The following MARCHF1 variants were observed in gnomAD, a reference collection of about 807,000 sequenced individuals.
The protein encoded by MARCHF1 is E3 ubiquitin-protein ligase MARCHF1.
In MARCHF1, 40 loss-of-function variants were observed where a neutral mutation model predicts 54.2. The observed-to-expected ratio is 0.74, with a 90% CI of 0.57 to 0.96. MARCHF1 has a LOEUF of 0.96. MARCHF1 is among the 40% of genes least tolerant of loss of function. MARCHF1 has a pLI of 0.00. For synonymous variants in MARCHF1, 236 were observed against 236.3 expected (o/e 1.00, Z 0.01); for missense variants, 586 against 656.5 (o/e 0.89, Z 1.17).
rs574601867 is a variant in MARCHF1 at position 163,722,762 on chromosome 4, G to C, written c.112-21899C>G. ...GATAGTTAGCTCTTCTTGTTGAATT[G>C]ATCCCTTTACCATTATGTAATGGCC... On this transcript the variant is annotated intron_variant, in intron 4 of 9. Coordinates refer to ENST00000514618, the MANE Select transcript of MARCHF1 (RefSeq NM_001394959.1). Among the ~76,000 whole-genome samples, 8 of 152,282 alleles carry C rather than the reference G, an allele frequency of 5.3e-5. No individual in the cohort carries two copies. The East Asian group carries it at 1.5e-3, about 29-fold the overall frequency.
chr4:164,111,548 T>C (rs188559777), intron 2 of MARCHF1, 40 bp downstream of exon 2: 2 of 151,096 alleles, frequency 1.3e-5, no homozygotes, highest in East Asian at 3.9e-4. Flanking sequence ...TGGAAAGTCT[T>C]CTTTATTTAA....
chr4:164,341,423 TAAAC>T (rs1014872226), intron 1 of MARCHF1, among the ~76,000 whole-genome samples: 10 of 151,842 alleles, frequency 6.6e-5, no homozygotes, highest in South Asian at 2.1e-4. Context: ...ACAAGAAAAA[TAAAC>T]AAAAGCCAAC....
intron 2 of MARCHF1, among the ~76,000 whole-genome samples, chr4:164,026,574 C>A (rs1753772430): frequency 2.0e-5 from 3 of 152,020 alleles, no homozygotes; most frequent in Admixed American, 2.0e-4. Context: ...GATTAGGCAT[C>A]AAAGGATCTA....
intron 3 of MARCHF1, among the ~76,000 whole-genome samples, chr4:163,911,106 G>T (rs1160192092): frequency 6.6e-6 from 1 of 152,042 alleles, no homozygotes; most frequent in East Asian, 1.9e-4. Context: ...GATTCAGGGG[G>T]TACATATACA....
intron 7 of MARCHF1, among the ~76,000 whole-genome samples, chr4:163,605,281 TG>T (rs1741104676): frequency 6.6e-6 from 1 of 152,158 alleles, no homozygotes; most frequent in South Asian, 2.1e-4. Context: ...AAGACATTTA[TG>T]CAGCCAACAA....
intron 3 of MARCHF1, chr4:163,932,501 A>T: frequency 2.8e-6 from 1 of 362,586 alleles, no homozygotes. Context: ...CATCTCAACA[A>T]ACTACTTTCA....
intron 1 of MARCHF1, among the ~76,000 whole-genome samples, chr4:164,349,705 G>A (rs986285733): frequency 6.6e-6 from 1 of 152,090 alleles, no homozygotes; most frequent in Non-Finnish European, 1.5e-5. Flanking sequence ...ATATTTATCA[G>A]CACATAGCAG....
chr4:164,358,706 G>C (rs1369604020), intron 1 of MARCHF1, among the ~76,000 whole-genome samples: 1 of 151,880 alleles, frequency 6.6e-6, no homozygotes, highest in African/African-American at 2.4e-5. Flanking sequence ...GGTTGTAATT[G>C]GATTAATATT....
At chr4:164,013,158 A>G (rs979211175) in intron 2 of MARCHF1, among the ~76,000 whole-genome samples, 3 of 152,208 alleles carry the variant, frequency 2.0e-5, no homozygotes, top group African/African-American at 7.2e-5. Flanking sequence ...AACACAAAGA[A>G]GGAATTAAAA....
intron 3 of MARCHF1, among the ~76,000 whole-genome samples, chr4:163,926,268 G>A (rs2111377738): frequency 1.3e-5 from 2 of 151,760 alleles, no homozygotes; most frequent in Middle Eastern, 6.8e-3. Flanking sequence ...AGATGTTAGT[G>A]ACTGGCTGCT....
intron 3 of MARCHF1, among the ~76,000 whole-genome samples, chr4:163,906,877 TTATTG>T (rs1257163885): frequency 3.3e-5 from 5 of 151,938 alleles, no homozygotes; most frequent in African/African-American, 1.2e-4. Context: ...AGTACTAATG[TTATTG>T]TATGCTTTTG....
intron 1 of MARCHF1, chr4:164,188,424 G>A (rs1486851568): frequency 7.0e-6 from 4 of 572,758 alleles, no homozygotes; most frequent in Non-Finnish European, 9.7e-6. Context: ...CTGCTACTCG[G>A]TGAGGCGTGG....
intron 1 of MARCHF1, among the ~76,000 whole-genome samples, chr4:164,325,356 T>TATA (rs1561003093): frequency 1.3e-5 from 2 of 149,404 alleles, no homozygotes; most frequent in African/African-American, 2.4e-5. Flanking sequence ...TATATATATA[T>TATA]TTGCACAGAC....
At chr4:164,180,329 A>G (rs1037261141) in intron 1 of MARCHF1, among the ~76,000 whole-genome samples, 20 of 152,200 alleles carry the variant, frequency 1.3e-4, no homozygotes, top group African/African-American at 4.6e-4. Flanking sequence ...ACTTTTACAT[A>G]AGTGTTTGTA....
chr4:164,235,114 C>T (rs1732511737), intron 1 of MARCHF1, among the ~76,000 whole-genome samples: 1 of 152,026 alleles, frequency 6.6e-6, no homozygotes, highest in Admixed American at 6.6e-5. Context: ...CAGGCCTCTT[C>T]TTTCTTTCTA....
chr4:163,738,821 A>G (rs914264403), intron 4 of MARCHF1, among the ~76,000 whole-genome samples: 2 of 152,192 alleles, frequency 1.3e-5, no homozygotes, highest in African/African-American at 4.8e-5. Flanking sequence ...CCTAAAGCAT[A>G]TTTTAAACTA....
rs115705533 is a variant in MARCHF1, at chr4:164,302,488, T to C, written c.-323+81382A>G. On this transcript the variant is annotated intron_variant, in intron 1 of 9. Coordinates refer to ENST00000514618, the MANE Select transcript of MARCHF1 (RefSeq NM_001394959.1). ...TCTTTACTAACCCCGGGGTCATGAC[T>C]AAAAGGTTGAGAAAGGTTGAGAATT... Among the ~76,000 whole-genome samples, 1,482 of 152,196 alleles carry C rather than the reference T, an allele frequency of 9.7e-3. 14 individuals carry two copies. Among genetic ancestry groups the C allele is most frequent in the Non-Finnish European group, 0.017 (1,187 of 67,992 alleles).
At chr4:163,762,133 TTTC>T (rs1746843261) in intron 4 of MARCHF1, among the ~76,000 whole-genome samples, 1 of 152,176 alleles carries the variant, frequency 6.6e-6, no homozygotes, top group Non-Finnish European at 1.5e-5. Context: ...GGTTTGTTTG[TTTC>T]TTAAGTAAAG....
intron 3 of MARCHF1, among the ~76,000 whole-genome samples, chr4:163,892,412 T>G (rs1420992572): frequency 6.6e-6 from 1 of 152,056 alleles, no homozygotes; most frequent in East Asian, 1.9e-4. Flanking sequence ...TCCCACTGAA[T>G]GGCCCACCCT....
Sources: allele counts gnomAD v4.1 joint callset (sites outside exome capture counted in the v4.1 genomes callset), GRCh38; gene constraint gnomAD v4.1.1; transcripts MANE v1.5; gene names NCBI Gene and HGNC (gene_info 2026-07-23, HGNC 2026-07-21).